The following RANBP2 variants were observed in gnomAD, a reference collection of about 807,000 sequenced individuals.
RANBP2 encodes E3 SUMO-protein ligase RanBP2.
In RANBP2, 57 loss-of-function variants were observed where a neutral mutation model predicts 303.6. The ratio of observed to expected loss-of-function variants is 0.19; its 90% CI spans 0.15 to 0.23. The LOEUF (loss-of-function observed/expected upper bound fraction) is 0.23. RANBP2 is among the 10% of genes least tolerant of loss of function. RANBP2 has a pLI of 1.00. For synonymous variants in RANBP2, 1,167 were observed against 1,301.5 expected (o/e 0.90, Z 2.23); for missense variants, 3,138 against 3,780.8 (o/e 0.83, Z 4.46).
At chr2:109,637,417 C>T in the RANBP2 span, among the ~76,000 whole-genome samples, 8 of 151,690 alleles carry the variant, frequency 5.3e-5, no homozygotes, top group East Asian at 1.9e-4. Flanking sequence ...AGACCCTTTA[C>T]GGGTGTTGGG....
chr2:109,471,539 T>A, the RANBP2 span, among the ~76,000 whole-genome samples: 1 of 152,186 alleles, frequency 6.6e-6, no homozygotes, highest in African/African-American at 2.4e-5. Context: ...AGATGAGATT[T>A]GAGTGGGGAC....
the RANBP2 span, among the ~76,000 whole-genome samples, chr2:109,604,406 A>AAAAG: frequency 1.6e-5 from 1 of 64,480 alleles, no homozygotes; most frequent in South Asian, 6.6e-4. Flanking sequence ...GGGCGGGGAG[A>AAAAG]AAAGAAAGAA....
chr2:109,506,597 CAT>C, the RANBP2 span, among the ~76,000 whole-genome samples: 2 of 152,222 alleles, frequency 1.3e-5, no homozygotes, highest in Non-Finnish European at 2.9e-5. Context: ...AGAGTTGTCA[CAT>C]ATGTTATGTC....
At chr2:109,399,251 TCCAG>T in the RANBP2 span, among the ~76,000 whole-genome samples, 3 of 152,276 alleles carry the variant, frequency 2.0e-5, no homozygotes, top group South Asian at 6.2e-4. Context: ...TCAGTCGGCT[TCCAG>T]ATGTCTGATT....
chr2:109,679,866 C>A, the RANBP2 span, among the ~76,000 whole-genome samples: 17 of 151,860 alleles, frequency 1.1e-4, no homozygotes, highest in Admixed American at 5.9e-4. Context: ...AAGTTTCCAG[C>A]CAGCTGGAGA....
the RANBP2 span, chr2:109,613,248 T>G: frequency 8.7e-7 from 1 of 1,151,648 alleles, no homozygotes; most frequent in African/African-American, 1.6e-5. Flanking sequence ...TTCAAAACAG[T>G]GAACAAACGC....
the RANBP2 span, among the ~76,000 whole-genome samples, chr2:108,891,484 T>G: frequency 6.6e-6 from 1 of 152,204 alleles, no homozygotes; most frequent in African/African-American, 2.4e-5. Flanking sequence ...GGTGAAGTTA[T>G]TAGTGGAGGC....
the RANBP2 span, among the ~76,000 whole-genome samples, chr2:109,625,661 G>A: frequency 3.3e-5 from 5 of 151,924 alleles, no homozygotes; most frequent in East Asian, 1.9e-4. Context: ...GCAAGACTCC[G>A]TCTCAAATAA....
chr2:109,659,247 T>C, the RANBP2 span, among the ~76,000 whole-genome samples: 15,156 of 151,568 alleles, frequency 0.1, 1,201 homozygotes, highest in Admixed American at 0.24. Flanking sequence ...CGTGGTGGTG[T>C]GTGCCTGTAG....
chr2:109,652,494 G>T, the RANBP2 span, among the ~76,000 whole-genome samples: 1 of 152,162 alleles, frequency 6.6e-6, no homozygotes, highest in Non-Finnish European at 1.5e-5. Context: ...CAAAGTGCTA[G>T]GATTACAGGT....
At chr2:108,808,669 T>A in the RANBP2 span, among the ~76,000 whole-genome samples, 1 of 152,218 alleles carries the variant, frequency 6.6e-6, no homozygotes, top group Non-Finnish European at 1.5e-5. Flanking sequence ...GTTTGAGAAA[T>A]GTCTAGTCAG....
chr2:108,763,057 A>AT (rs1676849242), intron 19 of RANBP2, among the ~76,000 whole-genome samples, 180 bp from the exon 20 acceptor site: 1 of 152,058 alleles, frequency 6.6e-6, no homozygotes, highest in African/African-American at 2.4e-5. Context: ...CCAAGGTCTG[A>AT]TTTTTCACAC....
the RANBP2 span, among the ~76,000 whole-genome samples, chr2:109,707,758 G>T: frequency 6.6e-6 from 1 of 152,198 alleles, no homozygotes; most frequent in Non-Finnish European, 1.5e-5. Flanking sequence ...TTCTTCTAAT[G>T]TTCAGAGCTC....
chr2:109,031,413 C>T, the RANBP2 span, among the ~76,000 whole-genome samples: 10 of 152,142 alleles, frequency 6.6e-5, no homozygotes, highest in Admixed American at 3.3e-4. Context: ...AGCCCCGTTC[C>T]CCTTACGACG....
the RANBP2 span, among the ~76,000 whole-genome samples, chr2:109,164,864 C>T: frequency 2.0e-5 from 3 of 152,188 alleles, no homozygotes; most frequent in African/African-American, 7.2e-5. Flanking sequence ...ATCAAGGCTG[C>T]AAGTTCCTTT....
the RANBP2 span, among the ~76,000 whole-genome samples, chr2:109,130,606 G>A: frequency 6.6e-6 from 1 of 152,144 alleles, no homozygotes; most frequent in Non-Finnish European, 1.5e-5. Flanking sequence ...GAGTGGGACT[G>A]GGGTTTGGAG....
chr2:109,106,940 T>C, the RANBP2 span, among the ~76,000 whole-genome samples: 5 of 150,984 alleles, frequency 3.3e-5, no homozygotes, highest in African/African-American at 1.2e-4. Context: ...TCTCCTTTTT[T>C]TTTTTTTTTT....
At chr2:108,756,679 A>G (rs371245357) in intron 17 of RANBP2, among the ~76,000 whole-genome samples, 1 of 152,252 alleles carries the variant, frequency 6.6e-6, no homozygotes, top group African/African-American at 2.4e-5. Context: ...GTGGAGCACT[A>G]ATCCATGAGC....
At chr2:109,016,209 G>A in the RANBP2 span, among the ~76,000 whole-genome samples, 1 of 151,958 alleles carries the variant, frequency 6.6e-6, no homozygotes, top group South Asian at 2.1e-4. Context: ...AGCCTCCCAA[G>A]TAACTGGGAC....
Sources: gnomAD v4.1 joint callset for allele counts (sites outside exome capture counted in the v4.1 genomes callset) on GRCh38, gnomAD v4.1.1 for gene constraint, MANE v1.5 for transcripts, NCBI Gene and HGNC (gene_info 2026-07-23, HGNC 2026-07-21) for gene names.